The following PRKG1 variants were observed in gnomAD, a reference collection of about 807,000 sequenced individuals.
The protein encoded by PRKG1 is cGMP-dependent protein kinase 1.
A neutral mutation model predicts 88.1 loss-of-function variants in PRKG1; 35 were observed. The ratio of observed to expected loss-of-function variants is 0.40; its 90% confidence interval spans 0.30 to 0.53. The LOEUF (loss-of-function observed/expected upper bound fraction) is 0.53, where lower values mean the gene tolerates loss of function less well. PRKG1 is among the 20% of genes least tolerant of loss of function. The probability of loss-of-function intolerance (pLI) is 0.59; values close to 1 mark genes in which losing one functional copy is unlikely to be tolerated. For missense variants in PRKG1, 540 were observed against 839.8 expected (o/e 0.64, Z 4.41); for synonymous variants, 303 against 292.5 (o/e 1.04, Z -0.37).
At chr10:51,914,037 C>G (rs1842283571) in intron 5 of PRKG1, among the ~76,000 whole-genome samples, 1 of 152,050 alleles carries the variant, frequency 6.6e-6, no homozygotes, top group Non-Finnish European at 1.5e-5. Flanking sequence ...GATCCAATCT[C>G]CTCTTTCTTA....
intron 17 of PRKG1, among the ~76,000 whole-genome samples, chr10:52,292,395 G>C (rs1842270466): frequency 6.6e-6 from 1 of 151,890 alleles, no homozygotes; most frequent in South Asian, 2.1e-4. Flanking sequence ...TATGGTTTTA[G>C]GTCTAACGTT....
chr10:52,021,697 C>A (rs1418240294), intron 5 of PRKG1, among the ~76,000 whole-genome samples: 1 of 152,086 alleles, frequency 6.6e-6, no homozygotes, highest in East Asian at 1.9e-4. Flanking sequence ...ATTTGAATTA[C>A]CCAAATTGCA....
chr10:51,365,179 T>C (rs1842563625), intron 2 of PRKG1, among the ~76,000 whole-genome samples: 1 of 151,892 alleles, frequency 6.6e-6, no homozygotes, highest in Admixed American at 6.6e-5. Flanking sequence ...ATCTGGCACA[T>C]GGTAGGCACA....
chr10:51,969,478 C>T (rs1843651584), intron 5 of PRKG1, among the ~76,000 whole-genome samples: 1 of 152,072 alleles, frequency 6.6e-6, no homozygotes, highest in Non-Finnish European at 1.5e-5. Flanking sequence ...CAAGCCTTTT[C>T]CCTGTAATTT....
chr10:51,756,278 G>A (rs567860733), intron 3 of PRKG1, among the ~76,000 whole-genome samples: 1 of 152,190 alleles, frequency 6.6e-6, no homozygotes, highest in South Asian at 2.1e-4. Flanking sequence ...CTTAAGGCCA[G>A]GACTTTGAAA....
intron 14 of PRKG1, among the ~76,000 whole-genome samples, chr10:52,288,445 A>G (rs537466462): frequency 6.6e-6 from 1 of 152,252 alleles, no homozygotes; most frequent in Non-Finnish European, 1.5e-5. Flanking sequence ...GAGTAGAAGA[A>G]GCATCTTGAA....
intron 5 of PRKG1, among the ~76,000 whole-genome samples, chr10:52,012,914 T>G (rs888837293): frequency 1.2e-4 from 18 of 152,198 alleles, no homozygotes; most frequent in African/African-American, 4.3e-4. Context: ...ATTATTATAC[T>G]AGTATTATTA....
intron 3 of PRKG1, chr10:51,699,687 T>A: frequency 1.1e-6 from 1 of 952,192 alleles, no homozygotes; most frequent in Non-Finnish European, 1.6e-6. Flanking sequence ...TCGTTCCGCT[T>A]GCCTGTGGAA....
At position 51,823,647 on chromosome 10, in the gene PRKG1, G is replaced by A. The variant is rs538624365; in HGVS notation, c.698+18957G>A. On this transcript the variant is annotated intron_variant, in intron 4 of 17. Transcript: ENST00000373980. ...TTTTGAAAATTTCTTGAAACATTTC[G>A]ATGTTTGAGAGAGACAGGTTAAAGC... 1.2e-4 allele frequency among the ~76,000 whole-genome samples: 18 copies of A among 151,966 alleles called. No homozygotes were observed. In the South Asian group the frequency reaches 2.3e-3, roughly 19 times the overall value.
intron 3 of PRKG1, among the ~76,000 whole-genome samples, chr10:51,637,353 A>G (rs764790418): frequency 6.6e-6 from 1 of 152,226 alleles, no homozygotes; most frequent in Non-Finnish European, 1.5e-5. Flanking sequence ...TGTGGAAGAC[A>G]GTGTGGCAAT....
chr10:51,998,897 C>T (rs926367673), intron 5 of PRKG1, among the ~76,000 whole-genome samples: 10 of 152,080 alleles, frequency 6.6e-5, no homozygotes, highest in African/African-American at 2.4e-4. Context: ...GTCTTTTCAT[C>T]TCGTGTTTGG....
intron 2 of PRKG1, among the ~76,000 whole-genome samples, chr10:51,396,740 C>A (rs1035709856): frequency 6.6e-6 from 1 of 152,170 alleles, no homozygotes; most frequent in Non-Finnish European, 1.5e-5. Flanking sequence ...CTGTATAATT[C>A]TTTTTGCAAA....
At chr10:51,883,742 GTC>G (rs1841492680) in intron 4 of PRKG1, among the ~76,000 whole-genome samples, 1 of 152,174 alleles carries the variant, frequency 6.6e-6, no homozygotes, top group Non-Finnish European at 1.5e-5. Context: ...AGGGCTGTGT[GTC>G]AAAATGGAAT....
In PRKG1 at chr10:51,939,310, C is replaced by T. The variant is rs192011040; in HGVS notation, c.762+31740C>T. 2.1e-4 allele frequency among the ~76,000 whole-genome samples: 32 copies of T among 152,090 alleles called. No homozygotes were observed. In the East Asian group the frequency reaches 4.2e-3, roughly 20 times the overall value. On this transcript the variant is annotated intron_variant, in intron 5 of 17. Coordinates refer to ENST00000373980, the MANE Select transcript of PRKG1 (RefSeq NM_006258.4). ...TTTGCTGTAGAAAATATGTCACATA[C>T]GGCCAAATTGAGAATCCTTCTGCCT...
intron 5 of PRKG1, among the ~76,000 whole-genome samples, chr10:51,912,395 C>G (rs1439959236): frequency 6.6e-6 from 1 of 152,120 alleles, no homozygotes; most frequent in Non-Finnish European, 1.5e-5. Context: ...AATAACATCT[C>G]TCTGACACTT....
intron 2 of PRKG1, among the ~76,000 whole-genome samples, chr10:51,263,002 A>G (rs991249677): frequency 2.6e-5 from 4 of 152,188 alleles, no homozygotes; most frequent in African/African-American, 9.7e-5. Flanking sequence ...TAGTGCTGTT[A>G]TCAAGGATTC....
intron 2 of PRKG1, among the ~76,000 whole-genome samples, chr10:51,154,279 T>G (rs74131774): frequency 0.038 from 5,727 of 151,882 alleles, 352 homozygotes; most frequent in African/African-American, 0.13. Flanking sequence ...GATGATTCTG[T>G]CTCCCAGGGG....
chr10:51,662,410 T>C (rs764733292), intron 3 of PRKG1, among the ~76,000 whole-genome samples: 10 of 152,154 alleles, frequency 6.6e-5, no homozygotes, highest in Admixed American at 2.0e-4. Context: ...CCATTTATAC[T>C]ATATTTCTTT....
At chr10:51,308,822 C>T (rs2132484874) in intron 2 of PRKG1, among the ~76,000 whole-genome samples, 1 of 152,190 alleles carries the variant, frequency 6.6e-6, no homozygotes, top group South Asian at 2.1e-4. Flanking sequence ...GATGAGACCT[C>T]ACTGAACTGG....
Sources: allele counts gnomAD v4.1 joint callset (sites outside exome capture counted in the v4.1 genomes callset), GRCh38; gene constraint gnomAD v4.1.1; transcripts MANE v1.5; gene names NCBI Gene and HGNC (gene_info 2026-07-23, HGNC 2026-07-21).